Variants in CNTNAP2 observed in about 807,000 individuals in gnomAD.
CNTNAP2 encodes the protein contactin associated protein 2.
In CNTNAP2, 98 loss-of-function variants were observed where a neutral mutation model predicts 155.2. The ratio of observed to expected loss-of-function variants is 0.63; its 90% CI spans 0.54 to 0.75. CNTNAP2 has a LOEUF of 0.75. Ranked by LOEUF, CNTNAP2 falls within the 30% of genes least tolerant of loss-of-function variation. The pLI, the probability that CNTNAP2 is intolerant of heterozygous loss-of-function variation, is 0.00. For synonymous variants in CNTNAP2, 651 were observed against 631.2 expected (o/e 1.03, Z -0.47); for missense variants, 1,727 against 1,688.1 (o/e 1.02, Z -0.40).
chr7:148,396,697 T>G (rs1406542373), intron 22 of CNTNAP2, among the ~76,000 whole-genome samples: 1 of 152,246 alleles, frequency 6.6e-6, no homozygotes, highest in African/African-American at 2.4e-5. Context: ...ATAAATTGCT[T>G]CACTCCTTTG....
At position 147,425,981 on chromosome 7, in the gene CNTNAP2, A is replaced by T. The variant is rs926660714; in HGVS notation, c.1670+30201A>T. Among the ~76,000 whole-genome samples, 3 of 152,090 alleles carry T rather than the reference A, an allele frequency of 2.0e-5. No individual in the cohort carries two copies. The South Asian group carries it at 6.2e-4, about 31-fold the overall frequency. ...ATTTTATTGTAGAAATCTTATAAGG[A>T]TATGTTGTATAGTTCTATGTCATTT... On this transcript the variant is annotated intron_variant, in intron 10 of 23. Coordinates refer to ENST00000361727, the MANE Select transcript of CNTNAP2 (RefSeq NM_014141.6).
chr7:146,903,849 TAAAAG>T (rs1482986248), intron 3 of CNTNAP2, among the ~76,000 whole-genome samples: 12 of 152,140 alleles, frequency 7.9e-5, no homozygotes, highest in African/African-American at 2.4e-4. Context: ...TCCAAATTGT[TAAAAG>T]AATAGATTGT....
intron 1 of CNTNAP2, among the ~76,000 whole-genome samples, chr7:146,294,492 G>C (rs1296843802): frequency 6.6e-6 from 1 of 152,174 alleles, no homozygotes; most frequent in Non-Finnish European, 1.5e-5. Context: ...TGCAAACCTT[G>C]TGTGGTCGTT....
At position 148,418,001 on chromosome 7, in the gene CNTNAP2, A is replaced by C. The variant is rs1405325611; in HGVS notation, c.*2385A>C. 1 of 152,212 alleles carries C rather than the reference A, an allele frequency of 6.6e-6. No homozygotes were observed. The highest frequency in any genetic ancestry group is 1.9e-4 in the East Asian group (1 of 5,198). 9.4% of individuals were successfully genotyped at this position (152,212 alleles called of 1,614,324 possible). On this transcript the variant is annotated 3_prime_UTR_variant, in exon 24 of 24. Transcript: ENST00000361727. Reference sequence around the variant, plus strand: ...CAGGGATCAGTGGTTCTCCCATATCACCATCAATTAAGACATATAGGACAC... The same window carrying C: ...CAGGGATCAGTGGTTCTCCCATATCCCCATCAATTAAGACATATAGGACAC...
chr7:146,185,761 CTTTTT>C (rs1554400924), intron 1 of CNTNAP2, among the ~76,000 whole-genome samples: 1 of 94,886 alleles, frequency 1.1e-5, no homozygotes. Context: ...TTTTATTATT[CTTTTT>C]TTTTTTTTTT....
chr7:148,237,328 T>A (rs1796059752), intron 20 of CNTNAP2, among the ~76,000 whole-genome samples: 1 of 152,188 alleles, frequency 6.6e-6, no homozygotes, highest in Admixed American at 6.5e-5. Context: ...TGTACTAATG[T>A]CCAAAAATAA....
At chr7:148,001,033 C>G (rs749905805) in intron 15 of CNTNAP2, among the ~76,000 whole-genome samples, 3 of 152,164 alleles carry the variant, frequency 2.0e-5, no homozygotes, top group Admixed American at 6.5e-5. Flanking sequence ...TCCTTTCTGT[C>G]TCATGTCAGG....
chr7:147,619,558 C>T lies in CNTNAP2; in HGVS notation c.1898-19548C>T, dbSNP rs531230944. Among the ~76,000 whole-genome samples, 9 of 152,258 alleles carry T rather than the reference C, an allele frequency of 5.9e-5. No homozygotes were observed. In the Middle Eastern group the frequency reaches 0.01, roughly 173 times the overall value. Reference sequence around the variant, plus strand: ...TAGGCTAGCAATATTCCCTGTGGCCCGTTGTGGTGATGACCACAGGGTGAC... The same window carrying T: ...TAGGCTAGCAATATTCCCTGTGGCCTGTTGTGGTGATGACCACAGGGTGAC... On this transcript the variant is annotated intron_variant, in intron 12 of 23. Transcript: ENST00000361727.
At chr7:146,636,211 T>G (rs1026467075) in intron 1 of CNTNAP2, among the ~76,000 whole-genome samples, 2 of 151,942 alleles carry the variant, frequency 1.3e-5, no homozygotes, top group Admixed American at 6.6e-5. Context: ...CGGGGGGTGA[T>G]GGGATTGTGC....
chr7:147,260,971 A>G (rs1804452487), intron 8 of CNTNAP2, among the ~76,000 whole-genome samples: 1 of 152,212 alleles, frequency 6.6e-6, no homozygotes. Context: ...ATTCCATTGC[A>G]GCTAAGTTTT....
intron 11 of CNTNAP2, among the ~76,000 whole-genome samples, chr7:147,520,462 C>T (rs1031595401): frequency 5.3e-5 from 8 of 152,174 alleles, no homozygotes; most frequent in African/African-American, 1.9e-4. Context: ...AACTGGTTAT[C>T]GCTGAGGTTA....
chr7:146,881,138 A>T (rs998161619), intron 3 of CNTNAP2, among the ~76,000 whole-genome samples: 1 of 152,082 alleles, frequency 6.6e-6, no homozygotes, highest in Non-Finnish European at 1.5e-5. Context: ...CTGCCATCCA[A>T]TAGAACCCTA....
At chr7:147,676,077 T>A (rs370871908) in intron 13 of CNTNAP2, among the ~76,000 whole-genome samples, 6 of 152,218 alleles carry the variant, frequency 3.9e-5, no homozygotes, top group African/African-American at 9.6e-5. Flanking sequence ...TTTTTCTAAT[T>A]AGAGTAATTC....
intron 3 of CNTNAP2, among the ~76,000 whole-genome samples, chr7:146,946,903 C>T (rs1354403469): frequency 6.6e-6 from 1 of 152,168 alleles, no homozygotes; most frequent in East Asian, 1.9e-4. Context: ...AGAGCAAATA[C>T]AAGCATTCAC....
chr7:147,621,097 G>GA (rs1237396264), intron 12 of CNTNAP2, among the ~76,000 whole-genome samples: 7 of 151,954 alleles, frequency 4.6e-5, no homozygotes, highest in Admixed American at 1.3e-4. Context: ...GGTGCTGAAA[G>GA]AAAAAAACTT....
At chr7:147,023,299 A>G (rs1798847198) in intron 3 of CNTNAP2, among the ~76,000 whole-genome samples, 1 of 152,192 alleles carries the variant, frequency 6.6e-6, no homozygotes, top group Admixed American at 6.5e-5. Flanking sequence ...AAAAAAATCA[A>G]CTCTGAGGTA....
intron 9 of CNTNAP2, among the ~76,000 whole-genome samples, chr7:147,329,582 A>AGT (rs2116838130): frequency 6.6e-6 from 1 of 152,248 alleles, no homozygotes; most frequent in African/African-American, 2.4e-5. Flanking sequence ...TAAGCATGTA[A>AGT]GTGTGTAAGC....
intron 10 of CNTNAP2, among the ~76,000 whole-genome samples, chr7:147,452,546 G>A (rs180872293): frequency 3.3e-5 from 5 of 152,260 alleles, no homozygotes; most frequent in South Asian, 4.1e-4. Context: ...TCAGCCTGGT[G>A]TAGTACTAAT....
chr7:147,862,644 C>CACACACACATATACACAT (rs1563115375), intron 13 of CNTNAP2, among the ~76,000 whole-genome samples: 5 of 151,376 alleles, frequency 3.3e-5, no homozygotes, highest in Non-Finnish European at 7.4e-5. Context: ...TACATATATA[C>CACACACACATATACACAT]ACACACACAC....
Sources: allele counts gnomAD v4.1 joint callset (sites outside exome capture counted in the v4.1 genomes callset), GRCh38; gene constraint gnomAD v4.1.1; transcripts MANE v1.5; gene names NCBI Gene and HGNC (gene_info 2026-07-23, HGNC 2026-07-21).